The following CADM2 variants were observed in gnomAD, a reference collection of about 807,000 sequenced individuals.
CADM2 encodes cell adhesion molecule 2.
A neutral mutation model predicts 49.8 loss-of-function variants in CADM2; 12 were observed. The observed-to-expected ratio is 0.24, with a 90% confidence interval of 0.15 to 0.39. The LOEUF is 0.39. CADM2 is among the 10% of genes least tolerant of loss of function. CADM2 has a pLI of 1.00. For missense variants in CADM2, 378 were observed against 492.3 expected (o/e 0.77, Z 2.20); for synonymous variants, 214 against 175.4 (o/e 1.22, Z -1.74).
chr3:85,836,520 C>A (rs73845688), intron 3 of CADM2, among the ~76,000 whole-genome samples: 7,743 of 151,568 alleles, frequency 0.051, 551 homozygotes, highest in African/African-American at 0.16. Context: ...GGAAATTACT[C>A]TCTGTGTTTG....
chr3:85,685,615 CTTTTT>C (rs59277971), intron 1 of CADM2, among the ~76,000 whole-genome samples: 2 of 122,020 alleles, frequency 1.6e-5, no homozygotes, highest in African/African-American at 5.9e-5. Context: ...TTCTTTCTTT[CTTTTT>C]TTTTTTTTTT....
rs2036079046 is a variant in CADM2, at chr3:85,419,657, A to G, written c.62-306865A>G. Reference sequence around the variant, plus strand: ...CTCCCTACTCCTACAAACTTCTATCATATTAGGACAGTTGCCACCTAGATT... The same window carrying G: ...CTCCCTACTCCTACAAACTTCTATCGTATTAGGACAGTTGCCACCTAGATT... On this transcript the variant is annotated intron_variant, in intron 1 of 9. Transcript: ENST00000383699. Among the ~76,000 whole-genome samples the G allele has an allele frequency of 2.0e-5, 3 of 152,290 alleles. No individual in the cohort carries two copies. In the East Asian group the frequency reaches 5.8e-4, roughly 29 times the overall value.
intron 1 of CADM2, among the ~76,000 whole-genome samples, chr3:85,029,159 T>A (rs1023543368): frequency 6.6e-6 from 1 of 152,108 alleles, no homozygotes; most frequent in South Asian, 2.1e-4. Flanking sequence ...AGAAGTTTTT[T>A]AAATATATAA....
At chr3:85,897,028 G>A (rs566834492) in intron 5 of CADM2, among the ~76,000 whole-genome samples, 6 of 151,984 alleles carry the variant, frequency 3.9e-5, no homozygotes, top group Non-Finnish European at 5.9e-5. Flanking sequence ...TTCAGAACCC[G>A]TGGGATTAGA....
intron 5 of CADM2, among the ~76,000 whole-genome samples, chr3:85,904,741 C>T (rs1009518767): frequency 4.6e-5 from 7 of 152,118 alleles, no homozygotes; most frequent in African/African-American, 1.7e-4. Context: ...CTTTTTCATA[C>T]TCATACGTTT....
chr3:85,692,461 T>A (rs573938105), intron 1 of CADM2, among the ~76,000 whole-genome samples: 1 of 152,228 alleles, frequency 6.6e-6, no homozygotes, highest in Non-Finnish European at 1.5e-5. Flanking sequence ...GAAAGTCATG[T>A]AGCTAGGTGT....
At chr3:85,332,444 A>G (rs2044954852) in intron 1 of CADM2, among the ~76,000 whole-genome samples, 1 of 151,954 alleles carries the variant, frequency 6.6e-6, no homozygotes, top group South Asian at 2.1e-4. Context: ...GGGATCCTTG[A>G]AAAATAGTGA....
chr3:85,908,014 T>C (rs1203406968), intron 5 of CADM2, among the ~76,000 whole-genome samples: 2 of 152,082 alleles, frequency 1.3e-5, no homozygotes, highest in African/African-American at 2.4e-5. Flanking sequence ...GAGATTATAC[T>C]GCTCAAGGCA....
At chr3:85,687,033 G>A (rs746574333) in intron 1 of CADM2, among the ~76,000 whole-genome samples, 11 of 152,056 alleles carry the variant, frequency 7.2e-5, no homozygotes, top group Non-Finnish European at 1.5e-4. Context: ...CCTCAATCTT[G>A]GCAAAATACA....
intron 1 of CADM2, among the ~76,000 whole-genome samples, chr3:85,550,581 G>C (rs989668241): frequency 6.6e-6 from 1 of 152,134 alleles, no homozygotes; most frequent in African/African-American, 2.4e-5. Flanking sequence ...CTCTTTTCTA[G>C]TGGTAAATTA....
intron 1 of CADM2, among the ~76,000 whole-genome samples, chr3:85,652,952 G>A (rs2065096935): frequency 6.6e-6 from 1 of 150,578 alleles, no homozygotes; most frequent in African/African-American, 2.4e-5. Flanking sequence ...TAATTTTTGT[G>A]TAAGTAGAGA....
At chr3:85,178,988 C>T (rs1262779256) in intron 1 of CADM2, among the ~76,000 whole-genome samples, 2 of 151,840 alleles carry the variant, frequency 1.3e-5, no homozygotes, top group Non-Finnish European at 2.9e-5. Context: ...TTACTTAACA[C>T]GTCATCAAAT....
At chr3:84,989,277 T>G (rs1381298957) in intron 1 of CADM2, among the ~76,000 whole-genome samples, 1 of 152,178 alleles carries the variant, frequency 6.6e-6, no homozygotes. Context: ...TAGATTTTGC[T>G]TCCCTTCCTG....
At chr3:85,291,163 C>T (rs1271691875) in intron 1 of CADM2, among the ~76,000 whole-genome samples, 6 of 151,842 alleles carry the variant, frequency 4.0e-5, no homozygotes, top group Admixed American at 6.6e-5. Context: ...GGAGCCGATG[C>T]GATCAACTGG....
At chr3:85,252,484 A>T (rs932524862) in intron 1 of CADM2, among the ~76,000 whole-genome samples, 2 of 152,010 alleles carry the variant, frequency 1.3e-5, no homozygotes, top group Non-Finnish European at 2.9e-5. Flanking sequence ...TGATAATTAA[A>T]ATCATTCAAA....
intron 1 of CADM2, among the ~76,000 whole-genome samples, chr3:85,357,942 C>T (rs2032012456): frequency 6.6e-6 from 1 of 152,028 alleles, no homozygotes. Flanking sequence ...AGAATCATGG[C>T]CGTAGGTGGA....
rs556286230 is a variant in CADM2, at chr3:85,321,993, T to C, written c.61+362325T>C. Among the ~76,000 whole-genome samples the C allele has an allele frequency of 7.2e-5, 11 of 152,348 alleles. No homozygotes were observed. In the East Asian group the frequency reaches 1.7e-3, roughly 24 times the overall value. On this transcript the variant is annotated intron_variant, in intron 1 of 9. Coordinates refer to ENST00000383699, the MANE Select transcript of CADM2 (RefSeq NM_001167675.2). ...CGTCATTTTTGCCCAAGCATAATAA[T>C]GTTGCTCACATAGTATGTCCAGGGA...
intron 1 of CADM2, among the ~76,000 whole-genome samples, chr3:85,153,606 C>T (rs892606769): frequency 6.6e-6 from 1 of 152,196 alleles, no homozygotes; most frequent in Non-Finnish European, 1.5e-5. Context: ...GGAGGCCTGC[C>T]TGCCTCTGTA....
In CADM2 at chr3:85,602,917, T is replaced by A. The variant is rs575333523; in HGVS notation, c.62-123605T>A. Among the ~76,000 whole-genome samples the A allele has an allele frequency of 3.8e-4, 58 of 151,934 alleles. No homozygotes were observed. The South Asian group carries it at 0.011, about 29-fold the overall frequency. Reference sequence around the variant, plus strand: ...ACCCCCTTAGTTTCCAGTATCACTTTTGCCGTATTTGTTCATTTTTATTTT... The same window carrying A: ...ACCCCCTTAGTTTCCAGTATCACTTATGCCGTATTTGTTCATTTTTATTTT... On this transcript the variant is annotated intron_variant, in intron 1 of 9. Transcript: ENST00000383699.
Sources: allele counts gnomAD v4.1 joint callset (sites outside exome capture counted in the v4.1 genomes callset), GRCh38; gene constraint gnomAD v4.1.1; transcripts MANE v1.5; gene names NCBI Gene and HGNC (gene_info 2026-07-23, HGNC 2026-07-21).